Variants in TCP1 observed in about 807,000 individuals in gnomAD.
TCP1 encodes the protein t-complex 1, also known as T-complex protein 1 subunit alpha.
A neutral mutation model predicts 54.7 loss-of-function variants in TCP1; 6 were observed. The observed-to-expected ratio is 0.11, with a 90% CI of 0.06 to 0.22. The LOEUF (loss-of-function observed/expected upper bound fraction) is 0.22. Ranked by LOEUF, TCP1 falls within the 10% of genes least tolerant of loss-of-function variation. The pLI, the probability that TCP1 is intolerant of heterozygous loss-of-function variation, is 1.00. For synonymous variants in TCP1, 225 were observed against 229.7 expected, an observed-to-expected ratio of 0.98 and a Z score of 0.19; for missense variants, 511 against 678.2, an observed-to-expected ratio of 0.75 and a Z score of 2.74.
At chr6:159,787,967 T>C in intron 2 of TCP1, 91 bp downstream of exon 2, 1 of 1,605,660 alleles carries the variant, frequency 6.2e-7, no homozygotes, top group Non-Finnish European at 8.5e-7. Context: ...TTCCAGTACG[T>C]GGATTCTGAT....
Position 159,784,839 on chromosome 6 carries a change from T to C in TCP1, c.497A>G (p.Asp166Gly), listed in dbSNP as rs1780655194. ...ATCTACTACCATGTTAGCAAAGAAA[T>C]CACCATTTCTACGCCAAAAGTTAAG... is the stretch of plus-strand genomic sequence containing the variant. ...MSSKIIGING[D>G]FFANMVVDAV... Residue 166 changes from aspartate to glycine, a missense_variant, in exon 6 of 12, where the codon GAT becomes GGT. Asp to Gly is a moderately conservative substitution (Grantham distance 94). Around this residue, in one of 5 missense-constraint regions of TCP1, gnomAD observed 305 missense variants for 352.8 expected, o/e 0.86. Transcript: ENST00000321394. 1 of 1,613,998 alleles carries C rather than the reference T, an allele frequency of 6.2e-7. No homozygotes were observed. Among genetic ancestry groups the C allele is most frequent in the Non-Finnish European group, 8.5e-7 (1 of 1,180,022 alleles).
In TCP1 at chr6:159,778,628, T is replaced by A. The variant is rs781155248; in HGVS notation, c.*417A>T. The A allele has an allele frequency of 6.8e-6, 11 of 1,607,138 alleles. 1 individual carries two copies. The highest frequency in any genetic ancestry group is 5.5e-5 in the South Asian group (5 of 90,782). On this transcript the variant is annotated 3_prime_UTR_variant, in exon 12 of 12. Transcript: ENST00000321394. ...ATTTTAAACTGTGTCCACAGAAGAA[T>A]AAACAATCTAAATCTTTTCTCCCCC...
At position 159,778,742 on chromosome 6, in the gene TCP1, AC is replaced by A; in HGVS notation, c.*302del. The A allele has an allele frequency of 6.2e-7, 1 of 1,614,228 alleles. No individual in the cohort carries two copies. Among genetic ancestry groups the A allele is most frequent in the Non-Finnish European group, 8.5e-7 (1 of 1,180,040 alleles). ...GAATTCTTGTGACCCTGTTACACAC[AC>A]TGGAGAGAATGGGCAGAAGTCGTGG... On this transcript the variant is annotated 3_prime_UTR_variant, in exon 12 of 12. Coordinates refer to ENST00000321394, the MANE Select transcript of TCP1 (RefSeq NM_030752.3).
At position 159,779,143 on chromosome 6, in the gene TCP1, G is replaced by A. The variant is rs1431988871; in HGVS notation, c.1573C>T (p.Leu525Phe). ...AATTTAATAAGATCATCAATTCGAAGAATGGTGATTGCAGCTTCTGTTGCA... is the reference window on the plus strand; with the variant it reads ...AATTTAATAAGATCATCAATTCGAAAAATGGTGATTGCAGCTTCTGTTGCA... ...KFATEAAITI[L>F]RIDDLIKLHP... The change falls in exon 12 of 12, where the codon CTT (leucine) becomes TTT (phenylalanine). Residue 525 changes from leucine (L) to phenylalanine (F), a missense_variant. Leu to Phe is a conservative substitution (Grantham distance 22). Transcript: ENST00000321394. 6.2e-7 allele frequency: 1 copy of A among 1,613,616 alleles called. No individual in the cohort carries two copies. Among genetic ancestry groups the A allele is most frequent in the Non-Finnish European group, 8.5e-7 (1 of 1,179,678 alleles).
chr6:159,786,098 G>T, intron 3 of TCP1, 101 bp from the exon 4 acceptor site: 1 of 889,524 alleles, frequency 1.1e-6, no homozygotes, highest in Non-Finnish European at 1.8e-6. Flanking sequence ...AACCAAAATG[G>T]TAGTGATGAA....
intron 7 of TCP1, among the ~76,000 whole-genome samples, chr6:159,781,563 AG>A (rs2114991700): frequency 6.6e-6 from 1 of 152,358 alleles, no homozygotes; most frequent in South Asian, 2.1e-4. Context: ...ACCTGAGGTC[AG>A]GAGTTCGAGA....
At chr6:159,789,173 C>A in intron 1 of TCP1, 1 of 523,812 alleles carries the variant, frequency 1.9e-6, no homozygotes, top group Non-Finnish European at 3.4e-6. Context: ...CACATCCACG[C>A]GTTGCCGGTC....
intron 5 of TCP1, 162 bp downstream of exon 5, chr6:159,785,224 G>A (rs1364202452): frequency 3.1e-6 from 2 of 636,446 alleles, no homozygotes; most frequent in Non-Finnish European, 5.5e-6. Context: ...CCCGAGACAG[G>A]GTCTTGCTAT....
At chr6:159,782,528 G>A (rs916791600) in intron 7 of TCP1, among the ~76,000 whole-genome samples, 1 of 152,208 alleles carries the variant, frequency 6.6e-6, no homozygotes. Flanking sequence ...AAATCAAGCG[G>A]TCTTGGTGAC....
chr6:159,784,015 C>T lies in TCP1; in HGVS notation c.723G>A (p.Leu241=). ...CACCAAGCTTCATTTTTGTTTTTTG[C>T]AGGCTGAAGTCAAGGCAAGCAATTT... ...NAKIACLDFS[L]QKTKMKLGVQ... Residue 241 remains leucine (L), a synonymous_variant, in exon 7 of 12, where the codon CTG becomes CTA. Transcript: ENST00000321394. 1.2e-6 allele frequency: 2 copies of T among 1,613,326 alleles called. No individual in the cohort carries two copies. The highest frequency in any genetic ancestry group is 1.7e-5 in the Admixed American group (1 of 59,916).
intron 9 of TCP1, 170 bp downstream of exon 9, chr6:159,780,273 G>A (rs769494298): frequency 1.6e-6 from 2 of 1,238,652 alleles, no homozygotes; most frequent in African/African-American, 1.5e-5. Flanking sequence ...CTGCAGAAGA[G>A]ATGAAAATGG....
chr6:159,780,171 G>A lies in TCP1; in HGVS notation c.1098-84C>T, dbSNP rs1780538764. The stretch of plus-strand genomic sequence containing the variant: ...AGACCATCAATTTCTCAAAAAAAAT[G>A]GCATTTTAATAAAATAAGTCTACAT... On this transcript the variant is annotated intron_variant, in intron 9 of 11. Transcript: ENST00000321394. 4 of 1,498,950 alleles carry A rather than the reference G, an allele frequency of 2.7e-6. No homozygotes were observed. In the Admixed American group the frequency reaches 6.0e-5, roughly 22 times the overall value. 92.9% of individuals were successfully genotyped at this position (1,498,950 alleles called of 1,614,324 possible).
Position 159,785,456 on chromosome 6 carries a change from T to C in TCP1, c.418A>G (p.Thr140Ala). 1.2e-6 allele frequency: 2 copies of C among 1,613,942 alleles called. No homozygotes were observed. The highest frequency in any genetic ancestry group is 2.2e-5 in the South Asian group (2 of 91,076). Residue 140 changes from threonine (T) to alanine (A), a missense_variant, in exon 5 of 12, where the codon ACA becomes GCA. Around this residue, in one of 5 missense-constraint regions of TCP1, gnomAD observed 305 missense variants for 352.8 expected, o/e 0.86. Coordinates refer to ENST00000321394, the MANE Select transcript of TCP1 (RefSeq NM_030752.3). ...RYINENLIVNTDELGRDCLIN... is the reference protein window; with the variant it reads ...RYINENLIVNADELGRDCLIN... ...AGGCAATCTCTTCCCAGTTCATCTG[T>C]GTTAACAATTAGGTTTTCATTGATA...
chr6:159,780,832 A>T (rs2114990957), intron 8 of TCP1, 103 bp downstream of exon 8: 9 of 1,382,442 alleles, frequency 6.5e-6, no homozygotes, highest in Non-Finnish European at 7.8e-6. Flanking sequence ...AGAGAATATA[A>T]ATGTTTTTGA....
chr6:159,778,951 G>A lies in TCP1; in HGVS notation c.*94C>T. The A allele has an allele frequency of 6.4e-7, 1 of 1,559,624 alleles. No individual in the cohort carries two copies. The highest frequency in any genetic ancestry group is 8.7e-7 in the Non-Finnish European group (1 of 1,146,550). ...CATTTCCTACATCACAAAAACCCAAGTTTACAGCTTGTACTTTACTTTAAT... is the reference window on the plus strand; with the variant it reads ...CATTTCCTACATCACAAAAACCCAAATTTACAGCTTGTACTTTACTTTAAT... On this transcript the variant is annotated 3_prime_UTR_variant, in exon 12 of 12. Coordinates refer to ENST00000321394, the MANE Select transcript of TCP1 (RefSeq NM_030752.3).
intron 7 of TCP1, among the ~76,000 whole-genome samples, chr6:159,781,391 TCA>T (rs1244624416): frequency 1.3e-5 from 2 of 152,122 alleles, no homozygotes; most frequent in Non-Finnish European, 2.9e-5. Flanking sequence ...GGATTACCAA[TCA>T]CACTCCAGGG....
intron 7 of TCP1, among the ~76,000 whole-genome samples, chr6:159,782,225 A>G (rs1328316167): frequency 6.6e-6 from 1 of 152,238 alleles, no homozygotes; most frequent in East Asian, 1.9e-4. Flanking sequence ...AAGAGTCAAT[A>G]TGAGTGAAGC....
intron 10 of TCP1, 52 bp downstream of exon 10, chr6:159,779,843 A>G: frequency 6.3e-7 from 1 of 1,586,392 alleles, no homozygotes; most frequent in African/African-American, 1.4e-5. Context: ...AAAAAATTGA[A>G]GTCCACAGCT....
At chr6:159,781,787 A>C (rs988981648) in intron 7 of TCP1, among the ~76,000 whole-genome samples, 3 of 152,188 alleles carry the variant, frequency 2.0e-5, no homozygotes, top group Non-Finnish European at 4.4e-5. Flanking sequence ...ACAAACAAAC[A>C]AACAAAAACA....
Sources: gnomAD v4.1 joint callset for allele counts (sites outside exome capture counted in the v4.1 genomes callset) on GRCh38, gnomAD v4.1.1 for gene constraint, gnomAD v4.1.1 regional missense constraint, MANE v1.5 for transcripts, NCBI Gene and HGNC (gene_info 2026-07-23, HGNC 2026-07-21) for gene names.